The following NBAS variants were observed in gnomAD, a reference collection of about 807,000 sequenced individuals.
NBAS encodes NBAS subunit of NRZ tethering complex.
A neutral mutation model predicts 302.5 loss-of-function variants in NBAS; 219 were observed. That is an observed-to-expected ratio of 0.72 (90% CI 0.65 to 0.81). The LOEUF is 0.81. NBAS is among the 30% of genes least tolerant of loss of function. The pLI, the probability that NBAS is intolerant of heterozygous loss-of-function variation, is 0.00. For missense variants in NBAS, 2,932 were observed against 2,841.6 expected, an observed-to-expected ratio of 1.03 and a Z score of -0.72; for synonymous variants, 1,118 against 1,021.6, an observed-to-expected ratio of 1.09 and a Z score of -1.80.
intron 9 of NBAS, among the ~76,000 whole-genome samples, chr2:15,527,793 T>A (rs930650650): frequency 3.9e-5 from 6 of 152,146 alleles, no homozygotes; most frequent in African/African-American, 1.4e-4. Context: ...GCGCCCAAAC[T>A]GTGGTACAAA....
At chr2:15,421,143 A>C (rs1273490289) in intron 23 of NBAS, among the ~76,000 whole-genome samples, 1 of 152,202 alleles carries the variant, frequency 6.6e-6, no homozygotes, top group East Asian at 1.9e-4. Context: ...TTTAAAAAAA[A>C]CAAAAACAAA....
intron 21 of NBAS, among the ~76,000 whole-genome samples, chr2:15,429,952 A>G (rs538925692): frequency 1.3e-5 from 2 of 152,340 alleles, no homozygotes; most frequent in Admixed American, 6.5e-5. Flanking sequence ...AAGGATGATG[A>G]TGATTACTCT....
At chr2:15,260,679 T>C (rs1668808804) in intron 44 of NBAS, among the ~76,000 whole-genome samples, 1 of 152,184 alleles carries the variant, frequency 6.6e-6, no homozygotes, top group African/African-American at 2.4e-5. Context: ...CTATGCTGTC[T>C]TATGCCAGCT....
At chr2:15,069,611 T>C in the NBAS span, among the ~76,000 whole-genome samples, 5 of 151,662 alleles carry the variant, frequency 3.3e-5, no homozygotes, top group African/African-American at 9.7e-5. Context: ...AATGACACTA[T>C]CAAAACTACT....
chr2:15,172,237 T>C (rs1426156465), intron 51 of NBAS, among the ~76,000 whole-genome samples: 2 of 152,232 alleles, frequency 1.3e-5, no homozygotes, highest in African/African-American at 4.8e-5. Flanking sequence ...TTGCTTTCAT[T>C]TGAATTTATT....
chr2:15,000,982 G>C, the NBAS span, among the ~76,000 whole-genome samples: 6 of 152,190 alleles, frequency 3.9e-5, no homozygotes, highest in African/African-American at 1.2e-4. Flanking sequence ...TACATGATGG[G>C]AACAGACATG....
At chr2:15,410,538 T>A (rs1469647513) in intron 25 of NBAS, among the ~76,000 whole-genome samples, 2 of 152,194 alleles carry the variant, frequency 1.3e-5, no homozygotes, top group East Asian at 3.9e-4. Context: ...AAAGAAAAAG[T>A]CAACACTGAT....
At chr2:14,945,765 A>G in the NBAS span, among the ~76,000 whole-genome samples, 2 of 152,192 alleles carry the variant, frequency 1.3e-5, no homozygotes, top group African/African-American at 4.8e-5. Flanking sequence ...AGGAATGAAA[A>G]GAAATAAAAA....
chr2:15,412,922 G>C (rs751831692), intron 25 of NBAS, among the ~76,000 whole-genome samples: 1 of 152,048 alleles, frequency 6.6e-6, no homozygotes, highest in Non-Finnish European at 1.5e-5. Context: ...ACTATCCCAA[G>C]CCCAATCCAA....
chr2:15,343,359 G>A (rs1354541773), intron 35 of NBAS, among the ~76,000 whole-genome samples: 2 of 152,220 alleles, frequency 1.3e-5, no homozygotes, highest in Middle Eastern at 3.4e-3. Flanking sequence ...ATCATTAGAT[G>A]AGGAAGGTGG....
chr2:15,112,524 A>C, the NBAS span, among the ~76,000 whole-genome samples: 109 of 152,288 alleles, frequency 7.2e-4, no homozygotes, highest in African/African-American at 2.5e-3. Context: ...GCTTGAAATT[A>C]AATATACACA....
chr2:14,950,289 T>A, the NBAS span, among the ~76,000 whole-genome samples: 3 of 152,224 alleles, frequency 2.0e-5, no homozygotes, highest in Non-Finnish European at 4.4e-5. Context: ...CCTGAGTTAC[T>A]TCACTTAGAA....
At chr2:15,044,952 A>G in the NBAS span, among the ~76,000 whole-genome samples, 2 of 152,248 alleles carry the variant, frequency 1.3e-5, no homozygotes, top group Non-Finnish European at 2.9e-5. Context: ...CTAGCACACA[A>G]CAACGAAATG....
chr2:14,942,353 C>T, the NBAS span, among the ~76,000 whole-genome samples: 1 of 152,166 alleles, frequency 6.6e-6, no homozygotes, highest in Middle Eastern at 3.4e-3. Context: ...TTTAGTGCCA[C>T]CCCTCTTGGT....
chr2:14,889,785 T>A, the NBAS span, among the ~76,000 whole-genome samples: 29 of 152,158 alleles, frequency 1.9e-4, no homozygotes, highest in African/African-American at 6.5e-4. Context: ...ATGGAGAGGA[T>A]GAAAATTAAC....
At chr2:15,305,609 G>T (rs1671000518) in intron 40 of NBAS, among the ~76,000 whole-genome samples, 1 of 151,978 alleles carries the variant, frequency 6.6e-6, no homozygotes. Flanking sequence ...CCGCCACCAT[G>T]CCCAGCTAAT....
intron 25 of NBAS, among the ~76,000 whole-genome samples, chr2:15,403,600 C>T (rs1250655030): frequency 6.6e-6 from 1 of 152,106 alleles, no homozygotes; most frequent in African/African-American, 2.4e-5. Flanking sequence ...ATCACAAATA[C>T]TACACCATTG....
the NBAS span, among the ~76,000 whole-genome samples, chr2:14,984,511 A>G: frequency 6.6e-6 from 1 of 152,266 alleles, no homozygotes; most frequent in African/African-American, 2.4e-5. Context: ...TTGGGAAATA[A>G]GTGAGCTGAA....
intron 7 of NBAS, 100 bp from the exon 8 acceptor site, chr2:15,536,651 C>T (rs1663534171): frequency 5.5e-6 from 6 of 1,088,666 alleles, no homozygotes; most frequent in East Asian, 4.7e-5. Context: ...GCTTCAGGTA[C>T]ACTTTATGTA....
Sources: gnomAD v4.1 joint callset for allele counts (sites outside exome capture counted in the v4.1 genomes callset) on GRCh38, gnomAD v4.1.1 for gene constraint, MANE v1.5 for transcripts, NCBI Gene and HGNC (gene_info 2026-07-23, HGNC 2026-07-21) for gene names.